The following CAB39 variants were observed in gnomAD, a reference collection of about 807,000 sequenced individuals.
The protein encoded by CAB39 is calcium-binding protein 39.
A neutral mutation model predicts 40.0 loss-of-function variants in CAB39; 8 were observed. The ratio of observed to expected loss-of-function variants is 0.20; its 90% CI spans 0.12 to 0.36. CAB39 has a LOEUF of 0.36. CAB39 is among the 10% of genes least tolerant of loss of function. The pLI, the probability that CAB39 is intolerant of heterozygous loss-of-function variation, is 1.00. For missense variants in CAB39, 270 were observed against 401.1 expected (o/e 0.67, Z 2.79); for synonymous variants, 156 against 141.6 (o/e 1.10, Z -0.72).
Position 230,759,987 on chromosome 2 carries a change from C to G in CAB39, c.-15C>G, listed in dbSNP as rs750057051. 6.0e-6 allele frequency: 9 copies of G among 1,503,928 alleles called. No individual in the cohort carries two copies. The highest frequency in any genetic ancestry group is 8.3e-6 in the Non-Finnish European group (9 of 1,079,926). 93.2% of individuals were successfully genotyped at this position (1,503,928 alleles called of 1,614,324 possible). On this transcript the variant is annotated 5_prime_UTR_variant, in exon 2 of 9. Coordinates refer to ENST00000258418, the MANE Select transcript of CAB39 (RefSeq NM_016289.4). ...GCACAGGCGGAGTGCAGCGGAGGCC[C>G]CTGCCGCTGCCGTCATGCCGTTCCC...
intron 2 of CAB39, among the ~76,000 whole-genome samples, chr2:230,785,893 G>A (rs1381098386): frequency 2.6e-5 from 4 of 151,134 alleles, no homozygotes; most frequent in Admixed American, 6.6e-5. Flanking sequence ...GGCCGGGCGC[G>A]GTGGCTCACA....
intron 2 of CAB39, among the ~76,000 whole-genome samples, chr2:230,768,031 T>G (rs1482082107): frequency 1.3e-5 from 2 of 152,186 alleles, no homozygotes; most frequent in Non-Finnish European, 2.9e-5. Context: ...ATGCTTGCTA[T>G]TTTCCCCTTG....
Position 230,820,080 on chromosome 2 carries a change from T to TACTGTGACC in CAB39, c.*1379_*1387dup. The TACTGTGACC allele has an allele frequency of 6.5e-6, 1 of 152,682 alleles. No individual in the cohort carries two copies. The highest frequency in any genetic ancestry group is 2.1e-4 in the South Asian group (1 of 4,838). The allele number at this position is 152,682 out of a possible 1,614,324, so 9.5% of individuals were successfully genotyped here. On this transcript the variant is annotated 3_prime_UTR_variant, in exon 9 of 9. Transcript: ENST00000258418. The stretch of plus-strand genomic sequence containing the variant: ...AACTGATTTTGCACCACTTTTTTGT[T>TACTGTGACC]ACTGTGACCACGGCAGAACAATGTC...
chr2:230,744,527 C>T (rs1490116325), intron 1 of CAB39, among the ~76,000 whole-genome samples: 1 of 148,392 alleles, frequency 6.7e-6, no homozygotes, highest in Admixed American at 6.7e-5. Context: ...CTCTTGACCT[C>T]GTGATCCGCT....
chr2:230,755,868 C>G (rs961691146), intron 1 of CAB39, among the ~76,000 whole-genome samples: 1 of 152,132 alleles, frequency 6.6e-6, no homozygotes, highest in African/African-American at 2.4e-5. Flanking sequence ...TATCTTTAAA[C>G]CACTGGAACC....
chr2:230,716,919 C>T (rs1053142246), intron 1 of CAB39, among the ~76,000 whole-genome samples: 7 of 152,152 alleles, frequency 4.6e-5, no homozygotes, highest in African/African-American at 1.7e-4. Context: ...GGAGGGATTG[C>T]CTGAGCCCAG....
chr2:230,723,798 C>T (rs1694500383), intron 1 of CAB39, among the ~76,000 whole-genome samples: 1 of 152,186 alleles, frequency 6.6e-6, no homozygotes, highest in Non-Finnish European at 1.5e-5. Flanking sequence ...ACATAGCTGG[C>T]TACTTCATAT....
At position 230,818,796 on chromosome 2, in the gene CAB39, C is replaced by T; in HGVS notation, c.*92C>T. 1.0e-6 allele frequency: 1 copy of T among 973,660 alleles called. No individual in the cohort carries two copies. Among genetic ancestry groups the T allele is most frequent in the Non-Finnish European group, 1.6e-6 (1 of 642,920 alleles). The allele number at this position is 973,660 out of a possible 1,614,324, so 60.3% of individuals were successfully genotyped here. A position where few individuals can be genotyped will look rare whatever the true frequency, so the allele number is the denominator to read the frequency against. Reference sequence around the variant, plus strand: ...TCTTATTGATTCATGAGGAACATTACTGCTAATCTGCTGTTAAGTGAACGG... The same window carrying T: ...TCTTATTGATTCATGAGGAACATTATTGCTAATCTGCTGTTAAGTGAACGG... On this transcript the variant is annotated 3_prime_UTR_variant, in exon 9 of 9. Transcript: ENST00000258418.
chr2:230,775,853 A>G (rs749751062), intron 2 of CAB39, among the ~76,000 whole-genome samples: 2 of 152,190 alleles, frequency 1.3e-5, no homozygotes, highest in Non-Finnish European at 2.9e-5. Flanking sequence ...GTTCTTAAAA[A>G]AGTATATAAT....
chr2:230,751,159 G>A (rs1695078656), intron 1 of CAB39, among the ~76,000 whole-genome samples: 1 of 152,200 alleles, frequency 6.6e-6, no homozygotes, highest in Non-Finnish European at 1.5e-5. Context: ...ATCCTTGTAG[G>A]CAACTATCTT....
intron 1 of CAB39, among the ~76,000 whole-genome samples, chr2:230,739,036 C>A (rs1425212097): frequency 6.6e-6 from 1 of 152,138 alleles, no homozygotes; most frequent in Non-Finnish European, 1.5e-5. Context: ...CTTGAACTTT[C>A]AAGTTTTCTC....
chr2:230,734,782 A>G (rs755794366), intron 1 of CAB39, among the ~76,000 whole-genome samples: 2 of 136,914 alleles, frequency 1.5e-5, no homozygotes, highest in African/African-American at 6.8e-5. Context: ...GCTGGCCCAC[A>G]GGATCCCAGA....
intron 1 of CAB39, among the ~76,000 whole-genome samples, chr2:230,753,570 T>C (rs1043152933): frequency 6.6e-6 from 1 of 152,132 alleles, no homozygotes; most frequent in African/African-American, 2.4e-5. Context: ...CTGGCCAACA[T>C]GGTGAAACCC....
intron 4 of CAB39, among the ~76,000 whole-genome samples, chr2:230,794,694 A>G (rs1214996854): frequency 6.6e-6 from 1 of 152,132 alleles, no homozygotes; most frequent in African/African-American, 2.4e-5. Flanking sequence ...AGCCCCGCCC[A>G]CCTCCTTTGT....
intron 1 of CAB39, among the ~76,000 whole-genome samples, chr2:230,734,663 T>C (rs1694753751): frequency 6.6e-6 from 1 of 152,212 alleles, no homozygotes; most frequent in Non-Finnish European, 1.5e-5. Context: ...CCAGACCACA[T>C]CTTCATTCCT....
chr2:230,802,295 C>T (rs1475055727), intron 5 of CAB39, among the ~76,000 whole-genome samples: 1 of 152,062 alleles, frequency 6.6e-6, no homozygotes, highest in East Asian at 1.9e-4. Context: ...GCACTAAATG[C>T]CCACAAGAGA....
chr2:230,769,435 C>G (rs941563116), intron 2 of CAB39, among the ~76,000 whole-genome samples: 2 of 152,156 alleles, frequency 1.3e-5, no homozygotes, highest in Non-Finnish European at 2.9e-5. Flanking sequence ...ATAGAACACT[C>G]AACAACTGTG....
chr2:230,819,914 A>G lies in CAB39; in HGVS notation c.*1210A>G, dbSNP rs1696477681. The G allele has an allele frequency of 6.5e-6, 1 of 152,682 alleles. No homozygotes were observed. Among genetic ancestry groups the G allele is most frequent in the African/African-American group, 2.4e-5 (1 of 41,470 alleles). 9.5% of individuals were successfully genotyped at this position (152,682 alleles called of 1,614,324 possible). On this transcript the variant is annotated 3_prime_UTR_variant, in exon 9 of 9. Coordinates refer to ENST00000258418, the MANE Select transcript of CAB39 (RefSeq NM_016289.4). Reference sequence around the variant, plus strand: ...TCTTTCTTAGACTAAGTAACCCAGTACAATAGTTGTGAACTGAATAATTAA... The same window carrying G: ...TCTTTCTTAGACTAAGTAACCCAGTGCAATAGTTGTGAACTGAATAATTAA...
At chr2:230,818,277 A>G (rs1432888183) in intron 8 of CAB39, 7 of 508,272 alleles carry the variant, frequency 1.4e-5, no homozygotes, top group Admixed American at 7.5e-5. Flanking sequence ...ATTTAATACT[A>G]AACACTGTGT....
Sources: gnomAD v4.1 joint callset for allele counts (sites outside exome capture counted in the v4.1 genomes callset) on GRCh38, gnomAD v4.1.1 for gene constraint, MANE v1.5 for transcripts, NCBI Gene and HGNC (gene_info 2026-07-23, HGNC 2026-07-21) for gene names.